The following ABCA7 variants were observed in gnomAD, a reference collection of about 807,000 sequenced individuals.
ABCA7 encodes the protein phospholipid-transporting ATPase ABCA7.
ABCA7 carries 261 observed loss-of-function variants against 227.6 expected under a neutral mutation model. The observed-to-expected ratio is 1.15, with a 90% CI of 1.04 to 1.27. The LOEUF (loss-of-function observed/expected upper bound fraction) is 1.27. Among genes scored for constraint, ABCA7 ranks in the 50% most tolerant of loss-of-function variants. ABCA7 has a pLI of 0.00. For missense variants in ABCA7, 3,331 were observed against 2,924.5 expected (o/e 1.14, Z -3.21); for synonymous variants, 1,488 against 1,279.7 (o/e 1.16, Z -3.47).
At chr19:1,045,524 G>A (rs1437541841) in intron 12 of ABCA7, 2 of 421,166 alleles carry the variant, frequency 4.7e-6, no homozygotes, top group Non-Finnish European at 8.7e-6. Flanking sequence ...TGGAATAAGG[G>A]TGGAGCTAAA....
chr19:1,040,987 G>T (rs373700531), intron 1 of ABCA7, among the ~76,000 whole-genome samples: 8 of 152,138 alleles, frequency 5.3e-5, no homozygotes, highest in South Asian at 2.1e-4. Context: ...CCTGGAAGAG[G>T]CTTCCAGGTG....
chr19:1,051,174 G>C lies in ABCA7; in HGVS notation c.2704G>C (p.Val902Leu). 1 of 1,611,244 alleles carries C rather than the reference G, an allele frequency of 6.2e-7. No homozygotes were observed. The highest frequency in any genetic ancestry group is 1.7e-4 in the Middle Eastern group (1 of 6,060). Reference protein sequence around the residue: ...LFDMLTVDEHVWFYGRLKGLS... With the variant: ...LFDMLTVDEHLWFYGRLKGLS... ...CCGCAGGCTGACCGTGGACGAGCACGTCTGGTTCTATGGGCGGCTGAAGGG... is the reference window on the plus strand; with the variant it reads ...CCGCAGGCTGACCGTGGACGAGCACCTCTGGTTCTATGGGCGGCTGAAGGG... The change falls in exon 20 of 47, where the codon GTC becomes CTC. Residue 902 changes from valine to leucine, a missense_variant. Coordinates refer to ENST00000263094, the MANE Select transcript of ABCA7 (RefSeq NM_019112.4).
Position 1,052,047 on chromosome 19 carries a change from T to G in ABCA7, c.3068T>G (p.Leu1023Arg), listed in dbSNP as rs768619894. Residue 1023 changes from leucine (L) to arginine (R), a missense_variant, in exon 22 of 47, where the codon CTC becomes CGC. Coordinates refer to ENST00000263094, the MANE Select transcript of ABCA7 (RefSeq NM_019112.4). Reference protein sequence around the residue: ...GGRLCCCGSPLFLRRHLGSGY... With the variant: ...GGRLCCCGSPRFLRRHLGSGY... Reference sequence around the variant, plus strand: ...CGCTTGTGCTGCTGTGGCTCCCCACTCTTCCTGCGCCGTCACCTGGGCTCC... The same window carrying G: ...CGCTTGTGCTGCTGTGGCTCCCCACGCTTCCTGCGCCGTCACCTGGGCTCC... The G allele has an allele frequency of 1.2e-5, 20 of 1,612,176 alleles. No homozygotes were observed. The East Asian group carries it at 3.3e-4, about 27-fold the overall frequency.
chr19:1,056,976 C>A lies in ABCA7; in HGVS notation c.4656C>A (p.Ser1552Arg), dbSNP rs1287888429. The change falls in exon 34 of 47, where the codon AGC (serine) becomes AGA (arginine). Residue 1552 changes from serine (S) to arginine (R), a missense_variant. Transcript: ENST00000263094. The surrounding 1 kb of genome is among the most constrained non-coding windows in gnomAD (Gnocchi z 4.3). ...TTGCCATGTCCTTTGTCCCGGCCAGCTTCACTCTTGTCCTCATTGAGGAGC... is the reference window on the plus strand; with the variant it reads ...TTGCCATGTCCTTTGTCCCGGCCAGATTCACTCTTGTCCTCATTGAGGAGC... The part of the protein sequence containing the change: ...VVFAMSFVPA[S>R]FTLVLIEERV... The A allele has an allele frequency of 6.2e-7, 1 of 1,613,952 alleles. No individual in the cohort carries two copies. Among genetic ancestry groups the A allele is most frequent in the Non-Finnish European group, 8.5e-7 (1 of 1,180,034 alleles).
intron 23 of ABCA7, 118 bp downstream of exon 23, chr19:1,052,404 G>T: frequency 5.4e-6 from 2 of 368,986 alleles, no homozygotes; most frequent in East Asian, 1.3e-4. Flanking sequence ...GGCAGAGGAG[G>T]TTGAGGCGGA....
At chr19:1,043,536 T>A (rs1173578935) in intron 9 of ABCA7, 63 bp downstream of exon 9, 1 of 1,610,894 alleles carries the variant, frequency 6.2e-7, no homozygotes, top group Non-Finnish European at 8.5e-7. Context: ...GTACCCTCAG[T>A]CCAGGTGGGC....
chr19:1,063,889 C>G (rs778285512), intron 44 of ABCA7, 26 bp downstream of exon 44: 60 of 1,511,090 alleles, frequency 4.0e-5, no homozygotes, highest in Middle Eastern at 3.4e-4. Context: ...ATGCCCTGGG[C>G]TGTGGTTAAG....
chr19:1,043,308 A>G lies in ABCA7; in HGVS notation c.791-26A>G, dbSNP rs374247398. On this transcript the variant is annotated intron_variant, in intron 8 of 46. Transcript: ENST00000263094. ...GAAGTGGAACTCTGGGCAGGGGGGC[A>G]GGGCCTCATGGCACCCCCATCCCAG... The G allele has an allele frequency of 1.9e-6, 3 of 1,612,554 alleles. No homozygotes were observed. In the African/African-American group the frequency reaches 4.0e-5, roughly 22 times the overall value.
rs750095046 is a variant in ABCA7, at chr19:1,041,430, A to AG, written c.66+3_66+4insG. ...TCATGTATCGCCGGAGACAGCCGGT[A>AG]ACGCCCCAGTGTGAGACCAGGGCCG... On this transcript the variant is annotated splice_donor_region_variant and intron_variant, in intron 2 of 46. Coordinates refer to ENST00000263094, the MANE Select transcript of ABCA7 (RefSeq NM_019112.4). 3 of 1,613,988 alleles carry AG rather than the reference A, an allele frequency of 1.9e-6. No homozygotes were observed. The highest frequency in any genetic ancestry group is 2.2e-5 in the East Asian group (1 of 44,874).
rs2040043689 is a variant in ABCA7, at chr19:1,041,601, A to C, written c.158A>C (p.Glu53Ala). ...TCCCACCCGCCCCTGGAGCACCATG[A>C]ATGTGAGCCCCCCCAGGGACCAGGC... ...RHSHPPLEHH[E>A]CHFPNKPLPS... Residue 53 changes from glutamate to alanine, a missense_variant and splice_region_variant, in exon 3 of 47, where the codon GAA becomes GCA. Coordinates refer to ENST00000263094, the MANE Select transcript of ABCA7 (RefSeq NM_019112.4). 6.2e-7 allele frequency: 1 copy of C among 1,611,660 alleles called. No individual in the cohort carries two copies. The highest frequency in any genetic ancestry group is 8.5e-7 in the Non-Finnish European group (1 of 1,179,876).
In ABCA7 at chr19:1,057,093, G is replaced by C; in HGVS notation, c.4764+9G>C. Reference sequence around the variant, plus strand: ...ACTTTCTCTGGGACATGGTGCGGGGGCTGCTTGGACGGGTGGGGGCCCAGC... The same window carrying C: ...ACTTTCTCTGGGACATGGTGCGGGGCCTGCTTGGACGGGTGGGGGCCCAGC... On this transcript the variant is annotated intron_variant, in intron 34 of 46. Transcript: ENST00000263094. 6.2e-7 allele frequency: 1 copy of C among 1,608,324 alleles called. No homozygotes were observed. Among genetic ancestry groups the C allele is most frequent in the Non-Finnish European group, 8.5e-7 (1 of 1,177,316 alleles).
Position 1,056,591 on chromosome 19 carries a change from C to A in ABCA7, c.4586+92C>A. 1.4e-6 allele frequency: 2 copies of A among 1,414,980 alleles called. No homozygotes were observed. The highest frequency in any genetic ancestry group is 1.9e-6 in the Non-Finnish European group (2 of 1,046,088). 87.7% of individuals were successfully genotyped at this position (1,414,980 alleles called of 1,614,324 possible). On this transcript the variant is annotated intron_variant, in intron 33 of 46. Transcript: ENST00000263094. This position sits in a 1 kb window ranked among gnomAD's most constrained non-coding sequence, Gnocchi z 4.3. ...GGGGTGGTGGGAGCTGGATTTGAAC[C>A]CTGACACACTCTTGCTTTATAAATG...
intron 40 of ABCA7, among the ~76,000 whole-genome samples, chr19:1,060,207 A>ATATATATATATATATATATATTTTT: frequency 4.1e-5 from 4 of 96,766 alleles, no homozygotes; most frequent in African/African-American, 1.4e-4. Context: ...ATATATATAT[A>ATATATATATATATATATATATTTTT]TTTTTTTTTC....
At chr19:1,063,907 A>G (rs1324394272) in intron 44 of ABCA7, 44 bp downstream of exon 44, 8 of 1,483,178 alleles carry the variant, frequency 5.4e-6, no homozygotes, top group Non-Finnish European at 6.3e-6. Flanking sequence ...AAGGTGATCC[A>G]GGCCTGGAGA....
Position 1,043,466 on chromosome 19 carries a change from T to C in ABCA7, c.923T>C (p.Met308Thr). Residue 308 changes from methionine to threonine, a missense_variant, in exon 9 of 47, where the codon ATG becomes ACG. Transcript: ENST00000263094. ...APDTPFTRKL[M>T]AQVNRTFEEL... Reference sequence around the variant, plus strand: ...GATACACCTTTTACCCGGAAGCTCATGGCCCAGGTGGGGGCAGCCTGGATG... The same window carrying C: ...GATACACCTTTTACCCGGAAGCTCACGGCCCAGGTGGGGGCAGCCTGGATG... 1.2e-6 allele frequency: 2 copies of C among 1,608,718 alleles called. No homozygotes were observed. Among genetic ancestry groups the C allele is most frequent in the Non-Finnish European group, 1.7e-6 (2 of 1,177,818 alleles).
Position 1,055,275 on chromosome 19 carries a change from G to T in ABCA7, c.4129G>T (p.Glu1377Ter), listed in dbSNP as rs2042145618. The stretch of plus-strand genomic sequence containing the variant: ...GCCCCAGGCAGTGACCGGCTCTGGG[G>T]AAGTGGTTCAGAACCTGACAGGCCG... Reference protein sequence around the residue: ...PPPQAVTGSGEVVQNLTGRNL... With the variant: ...PPPQAVTGSG Residue 1377 changes from glutamate (E) to a stop codon, truncating the protein, a stop_gained, in exon 30 of 47, where the codon GAA becomes TAA. Transcript: ENST00000263094. LOFTEE classifies it high-confidence loss of function. The T allele has an allele frequency of 1.9e-6, 3 of 1,604,270 alleles. No individual in the cohort carries two copies. The South Asian group carries it at 3.3e-5, about 18-fold the overall frequency.
chr19:1,045,289 G>A lies in ABCA7; in HGVS notation c.1445+58G>A, dbSNP rs543696479. 1.5e-5 allele frequency: 22 copies of A among 1,458,896 alleles called. No individual in the cohort carries two copies. In the South Asian group the frequency reaches 2.6e-4, roughly 17 times the overall value. The allele number at this position is 1,458,896 out of a possible 1,614,324, so 90.4% of individuals were successfully genotyped here. A position where few individuals can be genotyped will look rare whatever the true frequency, so the allele number is the denominator to read the frequency against. ...ACTGGGCGGGGCCAAGAGCGTGGTG[G>A]GTGGGGCCAGGCAGCATTCAGCCTA... On this transcript the variant is annotated intron_variant, in intron 12 of 46. Coordinates refer to ENST00000263094, the MANE Select transcript of ABCA7 (RefSeq NM_019112.4).
intron 12 of ABCA7, 39 bp downstream of exon 12, chr19:1,045,270 C>A: frequency 1.3e-6 from 1 of 791,880 alleles, no homozygotes; most frequent in Non-Finnish European, 2.0e-6. Flanking sequence ...AGGGACTGGG[C>A]GGGGCCAAGA....
At chr19:1,059,111 G>A (rs752774337) in intron 40 of ABCA7, 26 bp downstream of exon 40, 1 of 1,606,956 alleles carries the variant, frequency 6.2e-7, no homozygotes, top group South Asian at 1.1e-5. Context: ...GAGGCCAGGT[G>A]CAGGGACAGT....
Sources: gnomAD v4.1 joint callset for allele counts (sites outside exome capture counted in the v4.1 genomes callset) on GRCh38, gnomAD v4.1.1 for gene constraint, Gnocchi (gnomAD v3.1) non-coding constraint, MANE v1.5 for transcripts, NCBI Gene and HGNC (gene_info 2026-07-23, HGNC 2026-07-21) for gene names.